The following MMP16 variants were observed in gnomAD, a reference collection of about 807,000 sequenced individuals.
The protein encoded by MMP16 is matrix metalloproteinase-16.
In MMP16, 12 loss-of-function variants were observed where a neutral mutation model predicts 67.8. That is an observed-to-expected ratio of 0.18 (90% CI 0.11 to 0.29). The LOEUF is 0.29. MMP16 is among the 10% of genes least tolerant of loss of function. The probability of loss-of-function intolerance (pLI) is 1.00; values close to 1 mark genes in which losing one functional copy is unlikely to be tolerated. For synonymous variants in MMP16, 249 were observed against 255.9 expected (o/e 0.97, Z 0.26); for missense variants, 475 against 765.7 (o/e 0.62, Z 4.48).
intron 7 of MMP16, among the ~76,000 whole-genome samples, chr8:88,071,200 A>G (rs1256207020): frequency 6.6e-6 from 1 of 152,140 alleles, no homozygotes; most frequent in East Asian, 1.9e-4. Flanking sequence ...GATTTATAAA[A>G]GTTTGAATAA....
intron 6 of MMP16, among the ~76,000 whole-genome samples, chr8:88,104,563 G>A (rs1809203316): frequency 6.6e-6 from 1 of 151,530 alleles, no homozygotes; most frequent in African/African-American, 2.4e-5. Context: ...CTATTGCGCT[G>A]CCAGTCATGT....
intron 7 of MMP16, among the ~76,000 whole-genome samples, chr8:88,072,393 C>G (rs1430890885): frequency 6.6e-6 from 1 of 152,020 alleles, no homozygotes; most frequent in East Asian, 1.9e-4. Flanking sequence ...ATAATCAATG[C>G]TTTATTGAGC....
chr8:88,302,317 G>A (rs1190254257), intron 1 of MMP16, among the ~76,000 whole-genome samples: 2 of 152,198 alleles, frequency 1.3e-5, no homozygotes, highest in African/African-American at 4.8e-5. Context: ...GAGGAAAAAC[G>A]TGGCATAGAA....
chr8:88,155,926 A>G (rs1404532859), intron 4 of MMP16, among the ~76,000 whole-genome samples: 1 of 152,084 alleles, frequency 6.6e-6, no homozygotes, highest in Non-Finnish European at 1.5e-5. Flanking sequence ...TTCTGTTATT[A>G]CGACTACCTA....
intron 1 of MMP16, among the ~76,000 whole-genome samples, chr8:88,269,391 T>C (rs944584839): frequency 1.2e-4 from 18 of 152,058 alleles, no homozygotes; most frequent in South Asian, 4.1e-4. Flanking sequence ...GCAACCAAGA[T>C]AATATCTTCA....
intron 6 of MMP16, among the ~76,000 whole-genome samples, chr8:88,088,709 A>G (rs1327457348): frequency 6.6e-6 from 1 of 152,080 alleles, no homozygotes. Flanking sequence ...ACTTAAATAA[A>G]GAGTTCAAAA....
At chr8:88,227,736 G>A (rs573038103) in intron 1 of MMP16, among the ~76,000 whole-genome samples, 3 of 152,024 alleles carry the variant, frequency 2.0e-5, no homozygotes, top group African/African-American at 7.2e-5. Context: ...GAGACACTGC[G>A]ATATCTATAA....
intron 1 of MMP16, among the ~76,000 whole-genome samples, chr8:88,252,642 T>G: frequency 3.2e-5 from 1 of 30,960 alleles, no homozygotes; most frequent in East Asian, 1.2e-3. Flanking sequence ...TTTCCACCTC[T>G]TAGCAAAAAA....
At chr8:88,174,138 T>C (rs1254841115) in intron 3 of MMP16, among the ~76,000 whole-genome samples, 1 of 152,196 alleles carries the variant, frequency 6.6e-6, no homozygotes, top group Non-Finnish European at 1.5e-5. Context: ...AACGGAGTCA[T>C]TCATTTAAAA....
chr8:88,231,941 A>C (rs1809865975), intron 1 of MMP16, among the ~76,000 whole-genome samples: 1 of 152,158 alleles, frequency 6.6e-6, no homozygotes, highest in Non-Finnish European at 1.5e-5. Flanking sequence ...CCATCAAAAC[A>C]TTTGAGATTC....
At chr8:88,153,945 G>A (rs562024432) in intron 4 of MMP16, among the ~76,000 whole-genome samples, 314 of 150,328 alleles carry the variant, frequency 2.1e-3, no homozygotes, top group Non-Finnish European at 3.6e-3. Flanking sequence ...CAAAATGGTA[G>A]AAAATTTTCA....
chr8:88,272,527 C>T (rs201757295), intron 1 of MMP16, among the ~76,000 whole-genome samples: 1 of 150,126 alleles, frequency 6.7e-6, no homozygotes, highest in Non-Finnish European at 1.5e-5. Flanking sequence ...GATTAAAAAA[C>T]AAAAAAGTGA....
chr8:88,060,743 G>C (rs1563520279), intron 7 of MMP16, among the ~76,000 whole-genome samples: 2 of 152,038 alleles, frequency 1.3e-5, no homozygotes, highest in Non-Finnish European at 2.9e-5. Context: ...TGAATAACTT[G>C]AGGAAAAACA....
In MMP16 at chr8:88,090,365, G is replaced by T. The variant is rs931092421; in HGVS notation, c.1084-15622C>A. Reference sequence around the variant, plus strand: ...TAATATTTAAAGGAATGATATTAAAGGAATGAATCATTTTGCTTTAATTTT... The same window carrying T: ...TAATATTTAAAGGAATGATATTAAATGAATGAATCATTTTGCTTTAATTTT... On this transcript the variant is annotated intron_variant, in intron 6 of 9. Transcript: ENST00000286614. Among the ~76,000 whole-genome samples, 5 of 151,890 alleles carry T rather than the reference G, an allele frequency of 3.3e-5. No homozygotes were observed. In the East Asian group the frequency reaches 9.7e-4, roughly 29 times the overall value.
At chr8:88,201,409 C>T (rs887147908) in intron 1 of MMP16, among the ~76,000 whole-genome samples, 2 of 151,940 alleles carry the variant, frequency 1.3e-5, no homozygotes, top group African/African-American at 4.8e-5. Context: ...GTTCCTTGTA[C>T]CCTGTGATTA....
intron 1 of MMP16, among the ~76,000 whole-genome samples, chr8:88,257,054 T>C (rs955902707): frequency 6.6e-6 from 1 of 152,218 alleles, no homozygotes; most frequent in East Asian, 1.9e-4. Flanking sequence ...AATTTCATTC[T>C]CTTAAATTTT....
At chr8:88,306,282 G>A (rs908400943) in intron 1 of MMP16, among the ~76,000 whole-genome samples, 12 of 151,994 alleles carry the variant, frequency 7.9e-5, no homozygotes, top group African/African-American at 2.9e-4. Flanking sequence ...TGAAACTGAG[G>A]CCATAATAAA....
At chr8:88,088,079 T>G (rs1808870725) in intron 6 of MMP16, among the ~76,000 whole-genome samples, 1 of 100,222 alleles carries the variant, frequency 1.0e-5, no homozygotes, top group Non-Finnish European at 1.9e-5. Flanking sequence ...GATATCTATA[T>G]ATCTATATAT....
At chr8:88,181,675 G>A (rs1808982601) in intron 3 of MMP16, among the ~76,000 whole-genome samples, 1 of 151,768 alleles carries the variant, frequency 6.6e-6, no homozygotes, top group Non-Finnish European at 1.5e-5. Context: ...AAACTATTAT[G>A]TTTATATTGA....
Sources: gnomAD v4.1 joint callset for allele counts (sites outside exome capture counted in the v4.1 genomes callset) on GRCh38, gnomAD v4.1.1 for gene constraint, MANE v1.5 for transcripts, NCBI Gene and HGNC (gene_info 2026-07-23, HGNC 2026-07-21) for gene names.